HECW1: variants seen among roughly 807,000 people sequenced by gnomAD.
HECW1 encodes E3 ubiquitin-protein ligase HECW1.
HECW1 carries 61 observed loss-of-function variants against 182.3 expected under a neutral mutation model. The observed-to-expected ratio is 0.33, with a 90% CI of 0.27 to 0.41. The LOEUF is 0.41. Among genes scored for constraint, HECW1 ranks in the 10% least tolerant of loss-of-function variants. HECW1 has a pLI of 1.00. For synonymous variants in HECW1, 859 were observed against 832.6 expected (o/e 1.03, Z -0.55); for missense variants, 1,739 against 2,108.9 (o/e 0.82, Z 3.44).
intron 2 of HECW1, among the ~76,000 whole-genome samples, chr7:43,170,208 T>C (rs1791543912): frequency 6.6e-6 from 1 of 152,228 alleles, no homozygotes; most frequent in Non-Finnish European, 1.5e-5. Flanking sequence ...GGGCTCCTCA[T>C]GAGGATCTAA....
At chr7:43,461,340 C>T (rs895861749) in intron 13 of HECW1, among the ~76,000 whole-genome samples, 17 of 152,192 alleles carry the variant, frequency 1.1e-4, no homozygotes, top group African/African-American at 3.4e-4. Flanking sequence ...AGTTCCATCA[C>T]GAACTGTTAC....
At chr7:43,419,045 C>T (rs931838192) in intron 8 of HECW1, among the ~76,000 whole-genome samples, 1 of 152,154 alleles carries the variant, frequency 6.6e-6, no homozygotes, top group African/African-American at 2.4e-5. Flanking sequence ...TTGCCCTGTG[C>T]GTGTATGATT....
intron 24 of HECW1, chr7:43,511,060 A>G (rs1420962467): frequency 6.6e-6 from 1 of 152,208 alleles, no homozygotes; most frequent in African/African-American, 2.4e-5. Flanking sequence ...ACACTTCATC[A>G]CATTAAGGAA....
At chr7:43,486,462 C>A (rs1289822408) in intron 17 of HECW1, among the ~76,000 whole-genome samples, 1 of 152,124 alleles carries the variant, frequency 6.6e-6, no homozygotes, top group African/African-American at 2.4e-5. Context: ...CCCCTACACC[C>A]GGCTAATTTT....
intron 4 of HECW1, among the ~76,000 whole-genome samples, chr7:43,315,878 G>T (rs1809179127): frequency 6.6e-6 from 1 of 152,144 alleles, no homozygotes; most frequent in Non-Finnish European, 1.5e-5. Flanking sequence ...TTGTCAGAAA[G>T]CATGAATTAC....
At position 43,444,080 on chromosome 7, in the gene HECW1, G is replaced by T. The variant is rs1454100691; in HGVS notation, c.1046-138G>T. On this transcript the variant is annotated intron_variant, in intron 10 of 29. Coordinates refer to ENST00000395891, the MANE Select transcript of HECW1 (RefSeq NM_015052.5). This position sits in a 1 kb window ranked among gnomAD's most constrained non-coding sequence, Gnocchi z 4.3. ...GAATTTTTCACTAGAGCTCTGGCCAGTGAGAAACCCTCATCAACCTACATT... is the reference window on the plus strand; with the variant it reads ...GAATTTTTCACTAGAGCTCTGGCCATTGAGAAACCCTCATCAACCTACATT... 3.4e-6 allele frequency: 3 copies of T among 870,306 alleles called. No homozygotes were observed. The highest frequency in any genetic ancestry group is 5.2e-6 in the Non-Finnish European group (3 of 582,428). 53.9% of individuals were successfully genotyped at this position (870,306 alleles called of 1,614,324 possible).
chr7:43,406,363 C>T lies in HECW1; in HGVS notation c.632-1199C>T, dbSNP rs183707875. Among the ~76,000 whole-genome samples the T allele has an allele frequency of 4.6e-5, 7 of 152,292 alleles. No homozygotes were observed. The East Asian group carries it at 1.4e-3, about 29-fold the overall frequency. ...TTGAATATACAGCCCTTTCACAGAG[C>T]AGTAATACATTATCATGCCAGAGAG... On this transcript the variant is annotated intron_variant, in intron 7 of 29. Transcript: ENST00000395891.
chr7:43,329,762 G>A (rs78543772), intron 5 of HECW1, among the ~76,000 whole-genome samples: 27,164 of 152,088 alleles, frequency 0.18, 3,227 homozygotes, highest in Non-Finnish European at 0.27. Flanking sequence ...GATGGGAAAG[G>A]AACAAGCAAC....
chr7:43,238,269 A>C (rs1798568230), intron 2 of HECW1, among the ~76,000 whole-genome samples: 1 of 152,192 alleles, frequency 6.6e-6, no homozygotes, highest in South Asian at 2.1e-4. Flanking sequence ...GTCCCAGCTC[A>C]TGGCCATGAT....
chr7:43,164,077 C>A (rs1030276191), intron 2 of HECW1, among the ~76,000 whole-genome samples: 93 of 152,122 alleles, frequency 6.1e-4, no homozygotes, highest in African/African-American at 2.1e-3. Context: ...GAGGCCCAGG[C>A]TTGGGTGGAG....
chr7:43,146,525 G>A (rs189331516), intron 2 of HECW1, among the ~76,000 whole-genome samples: 169 of 152,342 alleles, frequency 1.1e-3, no homozygotes, highest in Middle Eastern at 6.8e-3. Context: ...GTGAAAAGGG[G>A]AGAAAGGGAA....
In HECW1 at chr7:43,425,300, TA is replaced by T. The variant is rs372408440; in HGVS notation, c.802-12702del. Among the ~76,000 whole-genome samples, 198 of 122,048 alleles carry T rather than the reference TA, an allele frequency of 1.6e-3. 2 individuals are homozygous for T. In the East Asian group the frequency reaches 0.022, roughly 13 times the overall value. 80.1% of individuals were successfully genotyped at this position (122,048 alleles called of 152,430 possible). On this transcript the variant is annotated intron_variant, in intron 8 of 29. Coordinates refer to ENST00000395891, the MANE Select transcript of HECW1 (RefSeq NM_015052.5). ...GTGGATAGCTAGGTAGATAGATAGA[TA>T]GATGATAGATAGATAGATAGATAGA...
Position 43,497,864 on chromosome 7 carries a change from A to AGAGGAAGAATGTCAAGGATTTTATTTT in HECW1, c.3438-2833_3438-2807dup, listed in dbSNP as rs553079211. ...GAGTGGAGGAGGAACTGGCTTGAGGAGAGGAAGAATGTCAAGGATTTTATT... is the reference window on the plus strand; with the variant it reads ...GAGTGGAGGAGGAACTGGCTTGAGGAGAGGAAGAATGTCAAGGATTTTATTTTGAGGAAGAATGTCAAGGATTTTATT... On this transcript the variant is annotated intron_variant, in intron 19 of 29. Coordinates refer to ENST00000395891, the MANE Select transcript of HECW1 (RefSeq NM_015052.5). Among the ~76,000 whole-genome samples the AGAGGAAGAATGTCAAGGATTTTATTTT allele has an allele frequency of 3.6e-4, 55 of 151,832 alleles. 2 individuals are homozygous for AGAGGAAGAATGTCAAGGATTTTATTTT. The East Asian group carries it at 9.7e-3, about 27-fold the overall frequency.
intron 8 of HECW1, among the ~76,000 whole-genome samples, chr7:43,423,716 C>T (rs2076268432): frequency 6.6e-6 from 1 of 152,156 alleles, no homozygotes; most frequent in Non-Finnish European, 1.5e-5. Flanking sequence ...AGCTCATGTG[C>T]AACTCTTCCC....
chr7:43,277,317 T>G (rs1426224898), intron 3 of HECW1, among the ~76,000 whole-genome samples: 1 of 152,112 alleles, frequency 6.6e-6, no homozygotes, highest in African/African-American at 2.4e-5. Flanking sequence ...TGCCTTTATA[T>G]GACAGGTGAA....
chr7:43,503,192 A>T (rs1028733015), intron 21 of HECW1, among the ~76,000 whole-genome samples: 1 of 152,234 alleles, frequency 6.6e-6, no homozygotes, highest in African/African-American at 2.4e-5. Context: ...GCACAACATA[A>T]TTAAATCCCA....
chr7:43,258,643 C>G (rs1800848087), intron 3 of HECW1: 1 of 152,208 alleles, frequency 6.6e-6, no homozygotes, highest in African/African-American at 2.4e-5. Flanking sequence ...ATTGGCCCAG[C>G]AAAGCTAGAA....
intron 9 of HECW1, 55 bp downstream of exon 9, chr7:43,438,200 C>T: frequency 6.6e-7 from 1 of 1,518,978 alleles, no homozygotes; most frequent in Admixed American, 1.7e-5. Flanking sequence ...CAGGTCGTGC[C>T]CAAAGGTGGC....
chr7:43,297,809 C>T (rs946219718), intron 3 of HECW1, among the ~76,000 whole-genome samples: 3 of 152,166 alleles, frequency 2.0e-5, no homozygotes, highest in Admixed American at 6.5e-5. Context: ...TGGTGGCTCA[C>T]GCCTATACTC....
Sources: allele counts gnomAD v4.1 joint callset (sites outside exome capture counted in the v4.1 genomes callset), GRCh38; gene constraint gnomAD v4.1.1; non-coding constraint Gnocchi (gnomAD v3.1); transcripts MANE v1.5; gene names NCBI Gene and HGNC (gene_info 2026-07-23, HGNC 2026-07-21).